EIF4ENIF1: variants seen among roughly 807,000 people sequenced by gnomAD.
EIF4ENIF1 encodes eukaryotic translation initiation factor 4E transporter.
In EIF4ENIF1, 23 loss-of-function variants were observed where a neutral mutation model predicts 110.5. The observed-to-expected ratio is 0.21, with a 90% CI of 0.15 to 0.29. The LOEUF is 0.29. Ranked by LOEUF, EIF4ENIF1 falls within the 10% of genes least tolerant of loss-of-function variation. The probability of loss-of-function intolerance (pLI) is 1.00; values close to 1 mark genes in which losing one functional copy is unlikely to be tolerated. For missense variants in EIF4ENIF1, 1,031 were observed against 1,221.1 expected (o/e 0.84, Z 2.32); for synonymous variants, 440 against 437.0 (o/e 1.01, Z -0.09).
At chr22:31,484,494 A>G (rs118016804) in intron 2 of EIF4ENIF1, among the ~76,000 whole-genome samples, 2 of 152,144 alleles carry the variant, frequency 1.3e-5, no homozygotes, top group East Asian at 3.9e-4. Flanking sequence ...TGACCCTGTA[A>G]GTAAACATAC....
At chr22:31,448,790 C>CA (rs2050557115) in intron 12 of EIF4ENIF1, among the ~76,000 whole-genome samples, 1 of 152,146 alleles carries the variant, frequency 6.6e-6, no homozygotes, top group East Asian at 1.9e-4. Context: ...TATCAAAACT[C>CA]AATAGCTTCA....
At chr22:31,447,079 T>C (rs929202117) in intron 14 of EIF4ENIF1, 7 of 429,154 alleles carry the variant, frequency 1.6e-5, no homozygotes, top group African/African-American at 1.5e-4. Context: ...GGTAGAAACA[T>C]CCTAAGATTT....
At chr22:31,467,664 A>C (rs538029094) in intron 4 of EIF4ENIF1, among the ~76,000 whole-genome samples, 1 of 152,176 alleles carries the variant, frequency 6.6e-6, no homozygotes, top group East Asian at 1.9e-4. Flanking sequence ...CTCTACTAAA[A>C]ATACAAAAAC....
At chr22:31,458,289 T>C (rs1048281772) in intron 7 of EIF4ENIF1, among the ~76,000 whole-genome samples, 186 bp downstream of exon 7, 2 of 150,578 alleles carry the variant, frequency 1.3e-5, no homozygotes, top group Non-Finnish European at 3.0e-5. Context: ...AAAAAAGAGT[T>C]AACTGGTACA....
At chr22:31,491,905 G>A (rs967130393), upstream of EIF4ENIF1, among the ~76,000 whole-genome samples, 2 of 152,134 alleles carry the variant, frequency 1.3e-5, no homozygotes, top group African/African-American at 4.8e-5. Context: ...CTACTGTTAC[G>A]TAACAAACCA....
intron 3 of EIF4ENIF1, among the ~76,000 whole-genome samples, chr22:31,469,662 G>A (rs2051297629): frequency 6.6e-6 from 1 of 152,098 alleles, no homozygotes; most frequent in Admixed American, 6.5e-5. Context: ...CTCTGCTTCA[G>A]AAATAAAAGC....
At chr22:31,446,968 T>C (rs1167205830) in intron 14 of EIF4ENIF1, 3 of 468,362 alleles carry the variant, frequency 6.4e-6, no homozygotes, top group African/African-American at 2.0e-5. Context: ...ACTGCTGATG[T>C]AGCAAACCTG....
At chr22:31,476,933 G>C (rs1370381319) in intron 2 of EIF4ENIF1, among the ~76,000 whole-genome samples, 2 of 150,830 alleles carry the variant, frequency 1.3e-5, no homozygotes, top group Admixed American at 6.6e-5. Flanking sequence ...GGGAGGCAGA[G>C]GTTGCAGTGA....
At chr22:31,441,207 C>G (rs534458306) in intron 17 of EIF4ENIF1, among the ~76,000 whole-genome samples, 1 of 151,116 alleles carries the variant, frequency 6.6e-6, no homozygotes, top group Non-Finnish European at 1.5e-5. Context: ...GAGCAGAGAT[C>G]GCGCCACTGC....
In EIF4ENIF1 at chr22:31,455,999, G is replaced by A; in HGVS notation, c.964-12C>T. ...ACATCTTCTATCATCTGAAGAAAAA[G>A]ACAATAAAAACTAATAGTTTCTAGA... is the stretch of plus-strand genomic sequence containing the variant. On this transcript the variant is annotated splice_polypyrimidine_tract_variant and intron_variant, in intron 7 of 18. Transcript: ENST00000330125. 1 of 1,612,076 alleles carries A rather than the reference G, an allele frequency of 6.2e-7. No individual in the cohort carries two copies. The highest frequency in any genetic ancestry group is 8.5e-7 in the Non-Finnish European group (1 of 1,179,406).
Position 31,450,841 on chromosome 22 carries a change from T to TTAC in EIF4ENIF1, c.1513-482_1513-481insGTA, listed in dbSNP as rs2050636489. On this transcript the variant is annotated intron_variant, in intron 10 of 18. Transcript: ENST00000330125. ...ACACATACATACACACATATATATA[T>TTAC]ACTACACACACACACACACACACAC... 3.7e-5 allele frequency: 3 copies of TTAC among 80,288 alleles called. No individual in the cohort carries two copies. The East Asian group carries it at 8.1e-4, about 22-fold the overall frequency. 5.0% of individuals were successfully genotyped at this position (80,288 alleles called of 1,614,324 possible).
chr22:31,451,663 A>AG (rs2050680469), intron 10 of EIF4ENIF1, among the ~76,000 whole-genome samples: 3 of 147,784 alleles, frequency 2.0e-5, no homozygotes, highest in African/African-American at 7.5e-5. Flanking sequence ...AGTAGTGGTT[A>AG]CTTTTTTTTT....
rs182493866 is a variant in EIF4ENIF1 at position 31,444,533 on chromosome 22, C to A, written c.2073+73G>T. On this transcript the variant is annotated intron_variant, in intron 15 of 18. Transcript: ENST00000330125. Reference sequence around the variant, plus strand: ...GGAACTCAAGGACATTTAGGGCACACAGTGGTACAATCCATGCACAACCAA... The same window carrying A: ...GGAACTCAAGGACATTTAGGGCACAAAGTGGTACAATCCATGCACAACCAA... 18 of 1,419,628 alleles carry A rather than the reference C, an allele frequency of 1.3e-5. No homozygotes were observed. The Admixed American group carries it at 2.5e-4, about 20-fold the overall frequency. The allele number at this position is 1,419,628 out of a possible 1,614,324, so 87.9% of individuals were successfully genotyped here. A position where few individuals can be genotyped will look rare whatever the true frequency, so the allele number is the denominator to read the frequency against.
chr22:31,444,493 G>T, intron 15 of EIF4ENIF1, 113 bp downstream of exon 15: 2 of 992,324 alleles, frequency 2.0e-6, no homozygotes, highest in Non-Finnish European at 3.2e-6. Context: ...TACTAGGTCA[G>T]TTATTTCCGT....
intron 4 of EIF4ENIF1, among the ~76,000 whole-genome samples, chr22:31,466,916 G>C (rs1393811087): frequency 2.6e-5 from 4 of 152,126 alleles, no homozygotes; most frequent in African/African-American, 9.7e-5. Flanking sequence ...CTTTAATTCT[G>C]TTATCACAAA....
At chr22:31,470,524 C>T (rs2051338856) in intron 3 of EIF4ENIF1, among the ~76,000 whole-genome samples, 2 of 152,020 alleles carry the variant, frequency 1.3e-5, no homozygotes, top group Admixed American at 1.3e-4. Flanking sequence ...TGTGATCTGC[C>T]CGCCCTGGCC....
In EIF4ENIF1 at chr22:31,439,799, C is replaced by T. The variant is rs1045977998; in HGVS notation, c.*81G>A. 2.6e-6 allele frequency: 4 copies of T among 1,561,020 alleles called. No homozygotes were observed. The highest frequency in any genetic ancestry group is 3.4e-6 in the Non-Finnish European group (4 of 1,162,362). On this transcript the variant is annotated 3_prime_UTR_variant, in exon 19 of 19. Coordinates refer to ENST00000330125, the MANE Select transcript of EIF4ENIF1 (RefSeq NM_019843.4). ...CACAGAGTGCTCCAAAGTAAAAGCC[C>T]ATAAACCAACCCGAGATGAAGCAGG... is the stretch of plus-strand genomic sequence containing the variant.
intron 2 of EIF4ENIF1, among the ~76,000 whole-genome samples, chr22:31,477,821 C>T (rs1052749114): frequency 3.3e-5 from 5 of 152,184 alleles, no homozygotes; most frequent in Admixed American, 3.3e-4. Context: ...GTAAAAGTGG[C>T]AGGGAGTCAC....
At position 31,440,710 on chromosome 22, in the gene EIF4ENIF1, G is replaced by A. The variant is rs554525025; in HGVS notation, c.2710C>T (p.Arg904Cys). 1.7e-5 allele frequency: 28 copies of A among 1,613,748 alleles called. No individual in the cohort carries two copies. The highest frequency in any genetic ancestry group is 1.7e-4 in the Middle Eastern group (1 of 6,030). ...GTCACATTCCTGAACCTACCTGAGCGCTGTAGCTGCTGTTGCACCATTGCC... is the reference window on the plus strand; with the variant it reads ...GTCACATTCCTGAACCTACCTGAGCACTGTAGCTGCTGTTGCACCATTGCC... ...HLAMVQQQLQ[R>C]SVLHPPGSGS... Residue 904 changes from arginine to cysteine, a missense_variant, in exon 18 of 19, where the codon CGC (arginine) becomes TGC (cysteine). Physicochemically the swap from Arg to Cys is radical, Grantham distance 180. Transcript: ENST00000330125.
Sources: gnomAD v4.1 joint callset for allele counts (sites outside exome capture counted in the v4.1 genomes callset) on GRCh38, gnomAD v4.1.1 for gene constraint, MANE v1.5 for transcripts, NCBI Gene and HGNC (gene_info 2026-07-23, HGNC 2026-07-21) for gene names.